HACD1: variants seen among roughly 807,000 people sequenced by gnomAD.
HACD1 encodes 3-hydroxyacyl-CoA dehydratase 1.
A neutral mutation model predicts 32.0 loss-of-function variants in HACD1; 41 were observed. That is an observed-to-expected ratio of 1.28 (90% CI 1.00 to 1.66). The LOEUF (loss-of-function observed/expected upper bound fraction) is 1.66, where lower values mean the gene tolerates loss of function less well. HACD1 is among the 40% of genes most tolerant of loss of function. The probability of loss-of-function intolerance (pLI) is 0.00; values close to 1 mark genes in which losing one functional copy is unlikely to be tolerated. For missense variants in HACD1, 396 were observed against 380.1 expected (o/e 1.04, Z -0.35); for synonymous variants, 142 against 139.0 (o/e 1.02, Z -0.15).
intron 6 of HACD1, among the ~76,000 whole-genome samples, chr10:17,591,431 A>T (rs1588981781): frequency 6.6e-6 from 1 of 152,306 alleles, no homozygotes; most frequent in Non-Finnish European, 1.5e-5. Flanking sequence ...TGACCACAGA[A>T]GAGCTACAGC....
intron 5 of HACD1, among the ~76,000 whole-genome samples, chr10:17,595,307 C>T (rs1325171974): frequency 1.3e-5 from 2 of 152,086 alleles, no homozygotes; most frequent in Non-Finnish European, 2.9e-5. Context: ...ATATCTAAAC[C>T]TTGAAATTAC....
intron 1 of HACD1, among the ~76,000 whole-genome samples, chr10:17,611,611 A>G (rs959950099): frequency 1.3e-5 from 2 of 152,238 alleles, no homozygotes; most frequent in Non-Finnish European, 2.9e-5. Flanking sequence ...TATTTGTCAG[A>G]AAGAAAGAGA....
intron 6 of HACD1, among the ~76,000 whole-genome samples, chr10:17,592,135 C>T (rs549365016): frequency 2.5e-4 from 38 of 151,950 alleles, no homozygotes; most frequent in Admixed American, 2.3e-3. Context: ...GTGCCCACTA[C>T]CATGTCTGGC....
chr10:17,595,364 C>T (rs1199886803), intron 5 of HACD1, among the ~76,000 whole-genome samples: 1 of 152,124 alleles, frequency 6.6e-6, no homozygotes, highest in African/African-American at 2.4e-5. Flanking sequence ...TTTGTGGTTA[C>T]TAATGAAAAC....
intron 6 of HACD1, among the ~76,000 whole-genome samples, chr10:17,593,423 C>A (rs1354123757): frequency 6.6e-6 from 1 of 151,850 alleles, no homozygotes; most frequent in South Asian, 2.1e-4. Flanking sequence ...TCAAACGATT[C>A]TCCTGCCTCA....
chr10:17,597,625 A>G (rs1834010981), intron 5 of HACD1, among the ~76,000 whole-genome samples: 1 of 152,242 alleles, frequency 6.6e-6, no homozygotes, highest in East Asian at 1.9e-4. Context: ...CAAATTTTGT[A>G]AATTCAGCAC....
intron 1 of HACD1, among the ~76,000 whole-genome samples, chr10:17,610,999 C>CTTTTTTTT (rs71393021): frequency 1.9e-5 from 2 of 103,016 alleles, no homozygotes; most frequent in African/African-American, 8.1e-5. Context: ...AGGTCCTCTT[C>CTTTTTTTT]TTTTTTTTTT....
intron 6 of HACD1, among the ~76,000 whole-genome samples, chr10:17,592,145 C>T (rs567676132): frequency 8.6e-5 from 13 of 151,878 alleles, no homozygotes; most frequent in African/African-American, 2.4e-4. Context: ...CCATGTCTGG[C>T]TAATTTTTGT....
In HACD1 at chr10:17,590,097, GT is replaced by G. The variant is rs576517005; in HGVS notation, c.*266del. On this transcript the variant is annotated 3_prime_UTR_variant, in exon 7 of 7. Coordinates refer to ENST00000361271, the MANE Select transcript of HACD1 (RefSeq NM_014241.4). ...ATGTTTCAAAAAAAACTTAGCAAAA[GT>G]TTTTTTTTCCCCCAGATAATACACC... The G allele has an allele frequency of 2.9e-4, 66 of 225,728 alleles. No individual in the cohort carries two copies. Among genetic ancestry groups the G allele is most frequent in the African/African-American group, 9.1e-4 (40 of 44,142 alleles). The allele number at this position is 225,728 out of a possible 1,614,324, so 14.0% of individuals were successfully genotyped here.
At chr10:17,599,146 A>G (rs1834033709) in intron 5 of HACD1, 144 bp downstream of exon 5, 2 of 1,313,686 alleles carry the variant, frequency 1.5e-6, no homozygotes, top group African/African-American at 3.0e-5. Flanking sequence ...CATAACTTGT[A>G]TAATTATTAG....
chr10:17,609,177 CAG>C (rs1489348318), intron 1 of HACD1, among the ~76,000 whole-genome samples: 7 of 127,614 alleles, frequency 5.5e-5, no homozygotes, highest in Admixed American at 2.5e-4. Flanking sequence ...TTTTTTGAGA[CAG>C]AGTCTTGCTC....
intron 1 of HACD1, among the ~76,000 whole-genome samples, chr10:17,616,361 A>G (rs1232890185): frequency 1.3e-5 from 2 of 152,244 alleles, no homozygotes; most frequent in African/African-American, 4.8e-5. Flanking sequence ...ATGGGAAAAT[A>G]ACTTTTTTAA....
Position 17,617,372 on chromosome 10 carries a change from T to C in HACD1, c.-33A>G, listed in dbSNP as rs2131528610. 2 of 1,311,308 alleles carry C rather than the reference T, an allele frequency of 1.5e-6. No homozygotes were observed. 81.2% of individuals were successfully genotyped at this position (1,311,308 alleles called of 1,614,324 possible). ...GCGCAGGGGGCTCGGCGCAGCCAGCTCTACCGACCGCGAGGGGGAGGAGCG... is the reference window on the plus strand; with the variant it reads ...GCGCAGGGGGCTCGGCGCAGCCAGCCCTACCGACCGCGAGGGGGAGGAGCG... On this transcript the variant is annotated 5_prime_UTR_variant, in exon 1 of 7. Coordinates refer to ENST00000361271, the MANE Select transcript of HACD1 (RefSeq NM_014241.4).
At chr10:17,616,933 CCGGCGGTGGCCG>C in intron 1 of HACD1, 138 bp downstream of exon 1, 3 of 928,222 alleles carry the variant, frequency 3.2e-6, no homozygotes, top group Middle Eastern at 3.9e-4. Context: ...CCATTCAACC[CCGGCGGTGGCCG>C]CGGCGACAGC....
chr10:17,599,968 A>C (rs1168109137), intron 4 of HACD1, among the ~76,000 whole-genome samples: 9 of 152,246 alleles, frequency 5.9e-5, no homozygotes, highest in African/African-American at 9.6e-5. Flanking sequence ...GTGATTTAAA[A>C]GTTTCACTGG....
chr10:17,599,809 C>G (rs143866639), intron 4 of HACD1, among the ~76,000 whole-genome samples: 1 of 152,288 alleles, frequency 6.6e-6, no homozygotes, highest in African/African-American at 2.4e-5. Flanking sequence ...TATTTTAATT[C>G]AGGGGTTTAT....
chr10:17,591,242 CT>C (rs35235387), intron 6 of HACD1, among the ~76,000 whole-genome samples: 32,388 of 152,020 alleles, frequency 0.21, 4,027 homozygotes, highest in East Asian at 0.46. Context: ...CAGCTGCCCC[CT>C]GGCTATCCTG....
rs1243987587 is a variant in HACD1 at position 17,617,275 on chromosome 10, G to C, written c.65C>G (p.Ser22Cys). The C allele has an allele frequency of 6.8e-6, 10 of 1,467,210 alleles. 1 individual carries two copies. In the South Asian group the frequency reaches 9.1e-5, roughly 13 times the overall value. 90.9% of individuals were successfully genotyped at this position (1,467,210 alleles called of 1,614,324 possible). The part of the protein sequence containing the change: ...SGSRAAGWAG[S>C]PPTLLPLSPT... The stretch of plus-strand genomic sequence containing the variant: ...AGACAGCGGCAGGAGCGTGGGAGGG[G>C]ACCCTGCCCAGCCTGCAGCCCGAGA... Residue 22 changes from serine to cysteine, a missense_variant, in exon 1 of 7, where the codon TCC becomes TGC. Transcript: ENST00000361271.
At chr10:17,591,975 G>GTTTT (rs1564503517) in intron 6 of HACD1, among the ~76,000 whole-genome samples, 1 of 103,796 alleles carries the variant, frequency 9.6e-6, no homozygotes, top group African/African-American at 4.9e-5. Context: ...ACCAGCTACT[G>GTTTT]ATTTTTTTTT....
Sources: gnomAD v4.1 joint callset for allele counts (sites outside exome capture counted in the v4.1 genomes callset) on GRCh38, gnomAD v4.1.1 for gene constraint, MANE v1.5 for transcripts, NCBI Gene and HGNC (gene_info 2026-07-23, HGNC 2026-07-21) for gene names.